The following TRIM5 variants were observed in gnomAD, a reference collection of about 807,000 sequenced individuals.
TRIM5 encodes the protein tripartite motif-containing protein 5.
A neutral mutation model predicts 35.6 loss-of-function variants in TRIM5; 31 were observed. The ratio of observed to expected loss-of-function variants is 0.87; its 90% confidence interval spans 0.65 to 1.18. The LOEUF is 1.18. TRIM5 is among the 50% of genes most tolerant of loss of function. The pLI is 0.00. For synonymous variants in TRIM5, 243 were observed against 215.6 expected (o/e 1.13, Z -1.11); for missense variants, 609 against 591.6 (o/e 1.03, Z -0.31).
the TRIM5 span, among the ~76,000 whole-genome samples, chr11:5,631,385 G>GTTCA: frequency 1.3e-5 from 2 of 152,152 alleles, no homozygotes; most frequent in Non-Finnish European, 2.9e-5. Flanking sequence ...AGGGTATTAT[G>GTTCA]TTCACTCCAA....
chr11:5,663,633 G>T lies in TRIM5; in HGVS notation c.*1176C>A. ...AGATGAAGGTTTTTTGTTTTATTTT[G>T]CTTTTAATTGACAAATAATAAATAT... On this transcript the variant is annotated 3_prime_UTR_variant, in exon 8 of 8. Coordinates refer to ENST00000380034, the MANE Select transcript of TRIM5 (RefSeq NM_033034.3). 2.2e-6 allele frequency: 2 copies of T among 897,828 alleles called. No homozygotes were observed. Among genetic ancestry groups the T allele is most frequent in the Non-Finnish European group, 2.7e-6 (2 of 749,832 alleles). The allele number at this position is 897,828 out of a possible 1,614,324, so 55.6% of individuals were successfully genotyped here. A position where few individuals can be genotyped will look rare whatever the true frequency, so the allele number is the denominator to read the frequency against.
chr11:5,619,688 A>ATTTTTTTTTTTTTTTTTTTTTTTTT, the TRIM5 span: 2 of 66,012 alleles, frequency 3.0e-5, no homozygotes, highest in Non-Finnish European at 2.7e-5. Flanking sequence ...CCTGTTTTAA[A>ATTTTTTTTTTTTTTTTTTTTTTTTT]TTTTTTTTTT....
chr11:5,641,667 G>A, the TRIM5 span, among the ~76,000 whole-genome samples: 1 of 152,124 alleles, frequency 6.6e-6, no homozygotes, highest in East Asian at 1.9e-4. Flanking sequence ...AAGTAGACTC[G>A]AGCCTCAGGA....
At chr11:5,658,969 A>C (rs1479545021), downstream of TRIM5, among the ~76,000 whole-genome samples, 1 of 152,148 alleles carries the variant, frequency 6.6e-6, no homozygotes, top group Admixed American at 6.5e-5. Flanking sequence ...ACTTGGACAC[A>C]GGGCGGGGAA....
chr11:5,624,521 A>G, the TRIM5 span, among the ~76,000 whole-genome samples: 1 of 152,342 alleles, frequency 6.6e-6, no homozygotes, highest in African/African-American at 2.4e-5. Flanking sequence ...TCGAGGGACC[A>G]TGTGCAACCA....
the TRIM5 span, chr11:5,641,069 C>T: frequency 6.9e-7 from 1 of 1,454,672 alleles, no homozygotes; most frequent in Non-Finnish European, 9.1e-7. Context: ...TAACTCACTT[C>T]TGATTTTTCC....
the TRIM5 span, among the ~76,000 whole-genome samples, chr11:5,639,192 G>A: frequency 1.3e-5 from 2 of 152,088 alleles, no homozygotes; most frequent in Non-Finnish European, 1.5e-5. Context: ...ACTCACTCAG[G>A]CACCAGCTTT....
chr11:5,659,562 G>A (rs1422462621), downstream of TRIM5, among the ~76,000 whole-genome samples: 2 of 152,188 alleles, frequency 1.3e-5, no homozygotes, highest in Non-Finnish European at 2.9e-5. Flanking sequence ...ATTCAAAGCT[G>A]TAGAATGTAT....
the TRIM5 span, among the ~76,000 whole-genome samples, chr11:5,651,745 T>A: frequency 6.6e-6 from 1 of 152,240 alleles, no homozygotes; most frequent in African/African-American, 2.4e-5. Flanking sequence ...GCTAAACTAA[T>A]TTACATGCCC....
the TRIM5 span, chr11:5,590,273 G>A: frequency 6.8e-3 from 1,075 of 157,184 alleles, 17 homozygotes; most frequent in African/African-American, 0.024. Context: ...GGTGCATGGC[G>A]CAGGACTGGC....
chr11:5,637,865 A>G, the TRIM5 span, among the ~76,000 whole-genome samples: 1 of 152,208 alleles, frequency 6.6e-6, no homozygotes, highest in Non-Finnish European at 1.5e-5. Flanking sequence ...CAGGTTTCTT[A>G]TAAGGGTCTG....
At chr11:5,616,284 G>A in the TRIM5 span, among the ~76,000 whole-genome samples, 10 of 141,112 alleles carry the variant, frequency 7.1e-5, 2 homozygotes, top group East Asian at 4.6e-4. Flanking sequence ...TTGTGTCTTC[G>A]TACTCCAGCC....
the TRIM5 span, among the ~76,000 whole-genome samples, chr11:5,597,511 A>G: frequency 2.0e-5 from 3 of 152,206 alleles, no homozygotes; most frequent in Non-Finnish European, 4.4e-5. Context: ...ATTGCAGATA[A>G]TAGGTTAAAT....
the TRIM5 span, chr11:5,612,585 A>G: frequency 6.6e-6 from 1 of 152,086 alleles, no homozygotes; most frequent in Non-Finnish European, 1.5e-5. Flanking sequence ...GCTTTTCCAC[A>G]CTCTCTTTAT....
chr11:5,682,178 C>T (rs11038702), intron 1 of TRIM5, among the ~76,000 whole-genome samples: 54,702 of 151,868 alleles, frequency 0.36, 10,573 homozygotes, highest in South Asian at 0.47. Context: ...CCAAGGCAGG[C>T]GGATCACCTG....
At chr11:5,660,418 C>T (rs1395223048), downstream of TRIM5, among the ~76,000 whole-genome samples, 1 of 152,162 alleles carries the variant, frequency 6.6e-6, no homozygotes, top group Non-Finnish European at 1.5e-5. Context: ...TTCTAAGTGT[C>T]TATTACCCTG....
the TRIM5 span, chr11:5,643,163 A>G: frequency 5.8e-6 from 9 of 1,550,442 alleles, no homozygotes; most frequent in Non-Finnish European, 7.8e-6. Context: ...CACTGAATTC[A>G]GTCAACCTAA....
chr11:5,643,058 C>T, the TRIM5 span: 1 of 1,288,356 alleles, frequency 7.8e-7, no homozygotes. Flanking sequence ...CTAGATAAAC[C>T]TACTCCATAT....
chr11:5,592,844 G>C, the TRIM5 span, among the ~76,000 whole-genome samples: 36 of 147,756 alleles, frequency 2.4e-4, no homozygotes, highest in Middle Eastern at 3.5e-3. Context: ...TTGAGCCCGA[G>C]AGTTTGTGGC....
Sources: gnomAD v4.1 joint callset for allele counts (sites outside exome capture counted in the v4.1 genomes callset) on GRCh38, gnomAD v4.1.1 for gene constraint, MANE v1.5 for transcripts, NCBI Gene and HGNC (gene_info 2026-07-23, HGNC 2026-07-21) for gene names.